CFAP61: variants seen among roughly 807,000 people sequenced by gnomAD.
The protein encoded by CFAP61 is cilia and flagella associated protein 61, also known as cilia- and flagella-associated protein 61.
A neutral mutation model predicts 135.6 loss-of-function variants in CFAP61; 107 were observed. That is an observed-to-expected ratio of 0.79 (90% confidence interval 0.67 to 0.93). CFAP61 has a LOEUF of 0.93. CFAP61 is among the 40% of genes least tolerant of loss of function. The pLI is 0.00. For synonymous variants in CFAP61, 575 were observed against 578.5 expected (o/e 0.99, Z 0.09); for missense variants, 1,507 against 1,556.2 (o/e 0.97, Z 0.53).
At chr20:20,277,081 C>T (rs1601773709) in intron 21 of CFAP61, 85 bp from the exon 22 acceptor site, 2 of 1,076,070 alleles carry the variant, frequency 1.9e-6, no homozygotes, top group Non-Finnish European at 1.4e-6. Flanking sequence ...GAGGGTTATA[C>T]GGAGCAATTC....
intron 19 of CFAP61, among the ~76,000 whole-genome samples, chr20:20,247,071 C>T (rs962368391): frequency 3.3e-5 from 5 of 152,158 alleles, no homozygotes; most frequent in Non-Finnish European, 7.3e-5. Context: ...GCCCCTGCCA[C>T]GAAGGGCCTG....
rs747883044 is a variant in CFAP61, at chr20:20,199,822, G to T, written c.1852G>T (p.Val618Leu). Residue 618 changes from valine (V) to leucine (L), a missense_variant, in exon 17 of 27, where the codon GTG (valine) becomes TTG (leucine). Coordinates refer to ENST00000245957, the MANE Select transcript of CFAP61 (RefSeq NM_015585.4). Reference sequence around the variant, plus strand: ...ATCTGCCCTTCATTACTTGGTTCCCGTGCGACCACGACGACAGATTGTCTA... The same window carrying T: ...ATCTGCCCTTCATTACTTGGTTCCCTTGCGACCACGACGACAGATTGTCTA... ...LTSALHYLVP[V>L]RPRRQIVYPL... The T allele has an allele frequency of 1.9e-6, 3 of 1,614,052 alleles. No individual in the cohort carries two copies. In the Admixed American group the frequency reaches 5.0e-5, roughly 27 times the overall value.
chr20:20,259,422 ATTTT>A (rs11480895), intron 20 of CFAP61, among the ~76,000 whole-genome samples: 1 of 135,626 alleles, frequency 7.4e-6, no homozygotes, highest in Non-Finnish European at 1.6e-5. Context: ...AACCCAGCTA[ATTTT>A]TTTTTTTTTT....
intron 22 of CFAP61, among the ~76,000 whole-genome samples, chr20:20,282,388 T>C (rs868842387): frequency 6.6e-6 from 1 of 152,164 alleles, no homozygotes; most frequent in Non-Finnish European, 1.5e-5. Flanking sequence ...TTCCTTAAGG[T>C]AGAGCCTTAA....
chr20:20,233,410 G>A (rs1250753497), intron 18 of CFAP61, among the ~76,000 whole-genome samples: 3 of 152,154 alleles, frequency 2.0e-5, no homozygotes, highest in Admixed American at 6.5e-5. Flanking sequence ...GTGCAAAAAC[G>A]GCATGGGAGC....
intron 18 of CFAP61, among the ~76,000 whole-genome samples, chr20:20,230,603 G>A (rs560443956): frequency 2.0e-5 from 3 of 152,198 alleles, no homozygotes; most frequent in Admixed American, 2.0e-4. Context: ...GCCCAGGCTG[G>A]AGTGTATGGA....
At chr20:20,279,791 G>A (rs905370586) in intron 22 of CFAP61, among the ~76,000 whole-genome samples, 2 of 152,024 alleles carry the variant, frequency 1.3e-5, no homozygotes, top group Admixed American at 6.6e-5. Context: ...GGTCTGCTTG[G>A]TCTCACAAAG....
chr20:20,340,708 G>C (rs547301286), intron 25 of CFAP61, among the ~76,000 whole-genome samples: 1 of 152,160 alleles, frequency 6.6e-6, no homozygotes, highest in Admixed American at 6.5e-5. Flanking sequence ...AAAACCAAGG[G>C]GGTGGGAGCT....
chr20:20,228,155 CT>C (rs1218534488), intron 17 of CFAP61, 93 bp from the exon 18 acceptor site: 13 of 1,119,728 alleles, frequency 1.2e-5, no homozygotes, highest in Non-Finnish European at 1.5e-5. Flanking sequence ...TGGTAATGTC[CT>C]GGTTAGATAA....
chr20:20,121,683 G>C (rs1264182306), intron 8 of CFAP61, among the ~76,000 whole-genome samples: 1 of 151,972 alleles, frequency 6.6e-6, no homozygotes, highest in Non-Finnish European at 1.5e-5. Context: ...TAGTTGAGAT[G>C]GTGTTTCGCC....
At chr20:20,091,957 C>T (rs907124725) in intron 7 of CFAP61, among the ~76,000 whole-genome samples, 3 of 152,244 alleles carry the variant, frequency 2.0e-5, no homozygotes, top group Admixed American at 6.5e-5. Flanking sequence ...GCTGGGATTA[C>T]AGGCGTGAGC....
At chr20:20,069,283 A>T (rs1600414532) in intron 2 of CFAP61, among the ~76,000 whole-genome samples, 2 of 152,036 alleles carry the variant, frequency 1.3e-5, no homozygotes, top group Admixed American at 1.3e-4. Context: ...ATTGTTATTT[A>T]TTATTATTAT....
intron 8 of CFAP61, among the ~76,000 whole-genome samples, chr20:20,123,373 G>C (rs199693103): frequency 1.3e-5 from 2 of 151,660 alleles, no homozygotes; most frequent in African/African-American, 4.9e-5. Context: ...GGTTTTTCCA[G>C]TGTTATCTTC....
chr20:20,255,956 C>T (rs1466128864), intron 20 of CFAP61, among the ~76,000 whole-genome samples: 2 of 152,144 alleles, frequency 1.3e-5, no homozygotes, highest in Admixed American at 6.5e-5. Flanking sequence ...TGGCAGCAGT[C>T]GCTCCTGGAG....
intron 25 of CFAP61, among the ~76,000 whole-genome samples, chr20:20,317,348 C>G (rs2057194653): frequency 6.6e-6 from 1 of 152,190 alleles, no homozygotes; most frequent in African/African-American, 2.4e-5. Flanking sequence ...CACAGCTCCT[C>G]TCTCTGCCCT....
intron 13 of CFAP61, among the ~76,000 whole-genome samples, chr20:20,176,143 C>T (rs1187261527): frequency 1.3e-5 from 2 of 151,422 alleles, no homozygotes; most frequent in African/African-American, 4.9e-5. Flanking sequence ...AAATCAAAAA[C>T]CACAAAGAAA....
intron 3 of CFAP61, among the ~76,000 whole-genome samples, chr20:20,072,827 A>G (rs1456476149): frequency 2.6e-5 from 4 of 152,234 alleles, no homozygotes; most frequent in African/African-American, 9.6e-5. Context: ...TATCTCATTA[A>G]TAATTTTTAT....
chr20:20,147,583 G>GTTT, intron 9 of CFAP61, among the ~76,000 whole-genome samples: 1 of 152,016 alleles, frequency 6.6e-6, no homozygotes, highest in African/African-American at 2.4e-5. Flanking sequence ...CTTTATGATG[G>GTTT]GATTATTTGT....
intron 26 of CFAP61, among the ~76,000 whole-genome samples, chr20:20,346,255 G>T (rs542510952): frequency 3.2e-4 from 47 of 145,632 alleles, no homozygotes; most frequent in Admixed American, 2.2e-3. Context: ...TGTGGCTTAT[G>T]CCTGTAATCC....
Sources: allele counts gnomAD v4.1 joint callset (sites outside exome capture counted in the v4.1 genomes callset), GRCh38; gene constraint gnomAD v4.1.1; transcripts MANE v1.5; gene names NCBI Gene and HGNC (gene_info 2026-07-23, HGNC 2026-07-21).